Variants in MACROD2 observed in about 807,000 individuals in gnomAD.
MACROD2 encodes mono-ADP ribosylhydrolase 2.
A neutral mutation model predicts 70.4 loss-of-function variants in MACROD2; 36 were observed. That is an observed-to-expected ratio of 0.51 (90% CI 0.39 to 0.68). The LOEUF is 0.68. Ranked by LOEUF, MACROD2 falls within the 30% of genes least tolerant of loss-of-function variation. The probability of loss-of-function intolerance (pLI) is 0.00; values close to 1 mark genes in which losing one functional copy is unlikely to be tolerated. For synonymous variants in MACROD2, 172 were observed against 178.8 expected, an observed-to-expected ratio of 0.96 and a Z score of 0.30; for missense variants, 496 against 538.4, an observed-to-expected ratio of 0.92 and a Z score of 0.78.
At chr20:14,181,932 A>C (rs752426522) in intron 3 of MACROD2, among the ~76,000 whole-genome samples, 2 of 152,234 alleles carry the variant, frequency 1.3e-5, no homozygotes, top group Non-Finnish European at 2.9e-5. Context: ...GGCTATTGTG[A>C]ATAATTCTTC....
At chr20:15,912,916 A>C (rs1309192166) in intron 10 of MACROD2, among the ~76,000 whole-genome samples, 1 of 152,200 alleles carries the variant, frequency 6.6e-6, no homozygotes, top group East Asian at 1.9e-4. Flanking sequence ...TCAGTTGGAA[A>C]GGCACCATGC....
At chr20:14,592,196 G>C (rs1170574868) in intron 4 of MACROD2, among the ~76,000 whole-genome samples, 1 of 152,112 alleles carries the variant, frequency 6.6e-6, no homozygotes, top group Non-Finnish European at 1.5e-5. Context: ...TTAATAGAAG[G>C]CAGTCATGAA....
chr20:14,019,999 C>A (rs1443968604), intron 2 of MACROD2, among the ~76,000 whole-genome samples: 2 of 152,122 alleles, frequency 1.3e-5, no homozygotes, highest in Non-Finnish European at 2.9e-5. Flanking sequence ...AAACTGTAAA[C>A]TAAATTTCTT....
At chr20:14,904,121 C>T in intron 5 of MACROD2, among the ~76,000 whole-genome samples, 1 of 152,104 alleles carries the variant, frequency 6.6e-6, no homozygotes, top group East Asian at 1.9e-4. Flanking sequence ...AGACTTTAAA[C>T]ATACTGGGAT....
At chr20:16,020,118 G>A (rs1022851256) in intron 15 of MACROD2, among the ~76,000 whole-genome samples, 1 of 152,120 alleles carries the variant, frequency 6.6e-6, no homozygotes, top group African/African-American at 2.4e-5. Flanking sequence ...CGGGTCCCAT[G>A]GCCTTCTGAA....
intron 3 of MACROD2, among the ~76,000 whole-genome samples, chr20:14,093,819 G>A (rs549252432): frequency 1.3e-5 from 2 of 152,238 alleles, no homozygotes; most frequent in South Asian, 2.1e-4. Context: ...TTAGAGCCAC[G>A]TCCAAGGTGC....
intron 5 of MACROD2, among the ~76,000 whole-genome samples, chr20:14,932,705 A>G (rs905639495): frequency 6.6e-6 from 1 of 152,020 alleles, no homozygotes; most frequent in African/African-American, 2.4e-5. Context: ...AGCTGGGACT[A>G]CAGGTGCGTG....
intron 8 of MACROD2, among the ~76,000 whole-genome samples, chr20:15,736,665 A>T (rs2051025498): frequency 6.6e-6 from 1 of 152,216 alleles, no homozygotes. Flanking sequence ...AATATAATAT[A>T]GTTGGCCCTG....
chr20:15,254,929 C>CTTTTTTT (rs762538763), intron 6 of MACROD2, among the ~76,000 whole-genome samples: 3 of 80,530 alleles, frequency 3.7e-5, no homozygotes, highest in Non-Finnish European at 7.1e-5. Context: ...CAAAGCACAC[C>CTTTTTTT]TTTTTTTTTT....
At chr20:14,933,270 CAA>C (rs1418833904) in intron 5 of MACROD2, among the ~76,000 whole-genome samples, 2 of 152,192 alleles carry the variant, frequency 1.3e-5, no homozygotes, top group East Asian at 3.9e-4. Flanking sequence ...TTATCTGTGA[CAA>C]GAGGATAGGA....
At chr20:15,511,606 A>G (rs1308062831) in intron 8 of MACROD2, among the ~76,000 whole-genome samples, 1 of 152,226 alleles carries the variant, frequency 6.6e-6, no homozygotes, top group Non-Finnish European at 1.5e-5. Context: ...TTATGTGCTG[A>G]CCTTAGAGCT....
At chr20:14,781,106 A>C (rs2072294766) in intron 5 of MACROD2, among the ~76,000 whole-genome samples, 1 of 151,998 alleles carries the variant, frequency 6.6e-6, no homozygotes, top group South Asian at 2.1e-4. Flanking sequence ...ATTACTATTG[A>C]CTATAATCAC....
chr20:15,916,019 G>A (rs2065309298), intron 10 of MACROD2, among the ~76,000 whole-genome samples: 1 of 152,132 alleles, frequency 6.6e-6, no homozygotes, highest in African/African-American at 2.4e-5. Context: ...AAAAGAGGAT[G>A]CAGAAAAGAA....
chr20:15,723,252 T>C (rs1600808189), intron 8 of MACROD2, among the ~76,000 whole-genome samples: 1 of 152,230 alleles, frequency 6.6e-6, no homozygotes, highest in Non-Finnish European at 1.5e-5. Flanking sequence ...GTAACACTGA[T>C]ACATTTGTTA....
chr20:15,863,083 T>G, intron 9 of MACROD2, among the ~76,000 whole-genome samples: 1 of 152,090 alleles, frequency 6.6e-6, no homozygotes, highest in Non-Finnish European at 1.5e-5. Context: ...ACTGAGGGGC[T>G]AATTATTAAT....
intron 4 of MACROD2, among the ~76,000 whole-genome samples, chr20:14,549,389 T>G (rs923030988): frequency 7.2e-5 from 11 of 152,206 alleles, no homozygotes; most frequent in African/African-American, 2.7e-4. Flanking sequence ...TAGTTTTCTT[T>G]TAAATTAAAA....
intron 8 of MACROD2, among the ~76,000 whole-genome samples, chr20:15,850,963 G>A (rs575294566): frequency 2.6e-5 from 4 of 152,242 alleles, no homozygotes; most frequent in African/African-American, 9.6e-5. Flanking sequence ...AGCAAGGAGC[G>A]GGTAGCAGTC....
At chr20:14,379,108 AATCTTC>A in intron 3 of MACROD2, among the ~76,000 whole-genome samples, 1 of 152,302 alleles carries the variant, frequency 6.6e-6, no homozygotes, top group Middle Eastern at 3.4e-3. Context: ...TAACTCTTTG[AATCTTC>A]ATAACAACCC....
chr20:14,786,204 T>TAGAGAAAGAGAG (rs1654644246), intron 5 of MACROD2, among the ~76,000 whole-genome samples: 2 of 135,430 alleles, frequency 1.5e-5, no homozygotes, highest in Non-Finnish European at 3.1e-5. Flanking sequence ...CAGAGAAAGA[T>TAGAGAAAGAGAG]AGAGAGAGAG....
Sources: allele counts gnomAD v4.1 joint callset (sites outside exome capture counted in the v4.1 genomes callset), GRCh38; gene constraint gnomAD v4.1.1; transcripts MANE v1.5; gene names NCBI Gene and HGNC (gene_info 2026-07-23, HGNC 2026-07-21).